Variants in CHODL observed in about 807,000 individuals in gnomAD.
CHODL encodes transmembrane protein MT75.
In CHODL, 29 loss-of-function variants were observed where a neutral mutation model predicts 34.5. The observed-to-expected ratio is 0.84, with a 90% CI of 0.63 to 1.15. The LOEUF (loss-of-function observed/expected upper bound fraction) is 1.15, where lower values mean the gene tolerates loss of function less well. Ranked by LOEUF, CHODL falls within the 50% of genes most tolerant of loss-of-function variation. CHODL has a pLI of 0.00. For missense variants in CHODL, 332 were observed against 332.5 expected, an observed-to-expected ratio of 1.00 and a Z score of 0.01; for synonymous variants, 125 against 116.1, an observed-to-expected ratio of 1.08 and a Z score of -0.49.
intron 2 of CHODL, among the ~76,000 whole-genome samples, chr21:18,057,879 A>G (rs995575185): frequency 5.3e-5 from 8 of 152,104 alleles, no homozygotes; most frequent in African/African-American, 1.9e-4. Flanking sequence ...CATGGAGTAC[A>G]AAATGATATT....
In CHODL at chr21:18,098,944, G is replaced by A. The variant is rs2065175820; in HGVS notation, c.-45+70973G>A. Among the ~76,000 whole-genome samples, 3 of 152,114 alleles carry A rather than the reference G, an allele frequency of 2.0e-5. No homozygotes were observed. In the South Asian group the frequency reaches 6.2e-4, roughly 32 times the overall value. The stretch of plus-strand genomic sequence containing the variant: ...TTGCAACAACATGGATGGAACTGGA[G>A]GTCATTATGTTATGTAAAACAAGTC... On this transcript the variant is annotated intron_variant, in intron 2 of 6. Coordinates refer to the CHODL transcript ENST00000400127.
rs1273102221 is a variant in CHODL, at chr21:18,033,908, C to T, written c.-45+5937C>T. ...GCTGATATAGTCTGTACTATATTCTCACAAAAATACTTTAAAAATAGAAAA... is the reference window on the plus strand; with the variant it reads ...GCTGATATAGTCTGTACTATATTCTTACAAAAATACTTTAAAAATAGAAAA... On this transcript the variant is annotated intron_variant, in intron 2 of 6. Coordinates refer to the CHODL transcript ENST00000400127. Among the ~76,000 whole-genome samples the T allele has an allele frequency of 2.0e-5, 3 of 152,012 alleles. No individual in the cohort carries two copies. The East Asian group carries it at 5.8e-4, about 30-fold the overall frequency.
Position 18,001,694 on chromosome 21 carries a change from C to T in CHODL, c.-144-26178C>T, listed in dbSNP as rs375575464. On this transcript the variant is annotated intron_variant, in intron 1 of 6. Transcript: ENST00000400127. Reference sequence around the variant, plus strand: ...AGAATTCATGCATATTACATTGTTACATGTTGCTTCTTCACAAGTTGTTAA... The same window carrying T: ...AGAATTCATGCATATTACATTGTTATATGTTGCTTCTTCACAAGTTGTTAA... Among the ~76,000 whole-genome samples, 6 of 150,762 alleles carry T rather than the reference C, an allele frequency of 4.0e-5. 1 individual carries two copies. Among genetic ancestry groups the T allele is most frequent in the Admixed American group, 1.3e-4 (2 of 15,120 alleles).
intron 1 of CHODL, among the ~76,000 whole-genome samples, 182 bp downstream of exon 1, chr21:18,245,484 C>A (rs542275489): frequency 6.6e-6 from 1 of 152,290 alleles, no homozygotes; most frequent in East Asian, 1.9e-4. Flanking sequence ...CTAACACACA[C>A]GCAGAAAAGT....
chr21:17,924,622 G>A (rs2063208957), intron 1 of CHODL, among the ~76,000 whole-genome samples: 1 of 152,166 alleles, frequency 6.6e-6, no homozygotes, highest in Admixed American at 6.5e-5. Context: ...CTTGAAATGA[G>A]ATTGTCATTA....
At chr21:18,209,505 T>C (rs1341872854) in intron 2 of CHODL, among the ~76,000 whole-genome samples, 1 of 152,148 alleles carries the variant, frequency 6.6e-6, no homozygotes, top group African/African-American at 2.4e-5. Flanking sequence ...AGAGGCTACT[T>C]TGTGCTTTAC....
intron 1 of CHODL, among the ~76,000 whole-genome samples, chr21:18,014,279 A>G (rs749567186): frequency 6.6e-6 from 1 of 152,208 alleles, no homozygotes; most frequent in African/African-American, 2.4e-5. Context: ...CATATATACC[A>G]TGGAATACTA....
chr21:17,917,876 C>CATGT (rs1568796830), intron 1 of CHODL, among the ~76,000 whole-genome samples: 1 of 150,706 alleles, frequency 6.6e-6, no homozygotes. Context: ...CTCTGATATG[C>CATGT]GTGTGTGTGT....
At chr21:18,094,743 A>C (rs2065117495) in intron 2 of CHODL, among the ~76,000 whole-genome samples, 1 of 36,998 alleles carries the variant, frequency 2.7e-5, no homozygotes, top group Admixed American at 2.4e-4. Flanking sequence ...TGTCTACATC[A>C]AAAAAAAAAA....
chr21:17,920,613 G>C (rs964759609), intron 1 of CHODL, among the ~76,000 whole-genome samples: 1 of 150,750 alleles, frequency 6.6e-6, no homozygotes, highest in African/African-American at 2.5e-5. Context: ...CTCACAAGTT[G>C]TTGTAAGGAT....
chr21:17,927,932 T>C (rs1235110905), intron 1 of CHODL, among the ~76,000 whole-genome samples: 1 of 152,194 alleles, frequency 6.6e-6, no homozygotes, highest in Non-Finnish European at 1.5e-5. Context: ...TTTTGTGAGG[T>C]TAACTAACTT....
At position 18,245,119 on chromosome 21, in the gene CHODL, G is replaced by A. The variant is rs1313137305; in HGVS notation, c.-105G>A. On this transcript the variant is annotated 5_prime_UTR_variant, in exon 1 of 6. Transcript: ENST00000299295. ...GCTGGGCTCGGGCGGCGGGAGTAGG[G>A]CCCGGCAGGGAGGCAGGGAGGCTGC... 55 of 1,019,172 alleles carry A rather than the reference G, an allele frequency of 5.4e-5. No homozygotes were observed. The East Asian group carries it at 1.4e-3, about 25-fold the overall frequency. The allele number at this position is 1,019,172 out of a possible 1,614,324, so 63.1% of individuals were successfully genotyped here. A position where few individuals can be genotyped will look rare whatever the true frequency, so the allele number is the denominator to read the frequency against.
intron 2 of CHODL, among the ~76,000 whole-genome samples, chr21:18,187,258 G>A (rs2073454273): frequency 6.6e-6 from 1 of 152,030 alleles, no homozygotes; most frequent in Non-Finnish European, 1.5e-5. Context: ...AAGATAGCTG[G>A]CATTGAACTA....
intron 2 of CHODL, among the ~76,000 whole-genome samples, chr21:18,128,269 C>A (rs2072602539): frequency 3.4e-5 from 4 of 116,440 alleles, no homozygotes. Context: ...CCACTGCACT[C>A]CAGCCTGGGT....
At chr21:18,101,182 GTT>G (rs1296987489) in intron 2 of CHODL, among the ~76,000 whole-genome samples, 2 of 152,070 alleles carry the variant, frequency 1.3e-5, no homozygotes, top group African/African-American at 4.8e-5. Flanking sequence ...AAAAACGGGA[GTT>G]TCTCTGCACT....
intron 2 of CHODL, among the ~76,000 whole-genome samples, chr21:18,065,631 G>A (rs1040195392): frequency 1.3e-5 from 2 of 152,116 alleles, no homozygotes; most frequent in Non-Finnish European, 2.9e-5. Context: ...ACCAGACAGA[G>A]CATCATCATA....
At chr21:18,251,374 A>T (rs1447040771) in intron 1 of CHODL, among the ~76,000 whole-genome samples, 1 of 102,204 alleles carries the variant, frequency 9.8e-6, no homozygotes, top group East Asian at 2.2e-4. Flanking sequence ...ATATAAAATA[A>T]ATGTATTTTA....
intron 2 of CHODL, among the ~76,000 whole-genome samples, chr21:18,173,372 A>G (rs768897037): frequency 3.0e-4 from 46 of 152,202 alleles, no homozygotes; most frequent in Admixed American, 1.3e-4. Flanking sequence ...TTGTCATAGC[A>G]TCCTGTCTAC....
chr21:18,118,595 T>C (rs2065441499), intron 2 of CHODL, among the ~76,000 whole-genome samples: 1 of 152,214 alleles, frequency 6.6e-6, no homozygotes, highest in African/African-American at 2.4e-5. Context: ...ATGGGTCCTA[T>C]ATTTCATGTA....
Sources: allele counts gnomAD v4.1 joint callset (sites outside exome capture counted in the v4.1 genomes callset), GRCh38; gene constraint gnomAD v4.1.1; transcripts MANE v1.5; gene names NCBI Gene and HGNC (gene_info 2026-07-23, HGNC 2026-07-21).